The following HPSE2 variants were observed in gnomAD, a reference collection of about 807,000 sequenced individuals.
The protein encoded by HPSE2 is inactive heparanase-2.
Under a neutral mutation model 60.5 loss-of-function variants are expected in HPSE2, and 38 were observed. That is an observed-to-expected ratio of 0.63 (90% CI 0.48 to 0.82). The LOEUF is 0.82. Ranked by LOEUF, HPSE2 falls within the 40% of genes least tolerant of loss-of-function variation. The probability of loss-of-function intolerance (pLI) is 0.00; values close to 1 mark genes in which losing one functional copy is unlikely to be tolerated. For synonymous variants in HPSE2, 295 were observed against 293.2 expected (o/e 1.01, Z -0.06); for missense variants, 713 against 740.4 (o/e 0.96, Z 0.43).
intron 3 of HPSE2, among the ~76,000 whole-genome samples, chr10:99,039,350 T>C (rs1957682668): frequency 6.6e-6 from 1 of 152,116 alleles, no homozygotes; most frequent in South Asian, 2.1e-4. Context: ...TTATCTCAAC[T>C]GTCTTGAATA....
At chr10:99,073,401 C>CA (rs563779924) in intron 3 of HPSE2, among the ~76,000 whole-genome samples, 54 of 152,068 alleles carry the variant, frequency 3.6e-4, no homozygotes, top group Middle Eastern at 3.4e-3. Context: ...CACATGTTCT[C>CA]ACTTACAGGT....
intron 7 of HPSE2, among the ~76,000 whole-genome samples, chr10:98,630,681 A>G (rs1463517201): frequency 6.6e-6 from 1 of 151,784 alleles, no homozygotes; most frequent in Non-Finnish European, 1.5e-5. Context: ...CCTTGACCTT[A>G]TTATACTGAA....
chr10:99,097,995 C>A (rs573255351), intron 3 of HPSE2, among the ~76,000 whole-genome samples: 1 of 152,334 alleles, frequency 6.6e-6, no homozygotes, highest in African/African-American at 2.4e-5. Context: ...AGGTTCTATA[C>A]TTCCCGCTGA....
chr10:99,197,045 A>G (rs1848423156), intron 2 of HPSE2, among the ~76,000 whole-genome samples: 1 of 152,222 alleles, frequency 6.6e-6, no homozygotes, highest in Non-Finnish European at 1.5e-5. Context: ...CAGCCATAAA[A>G]AGGAATGAGA....
Position 98,937,925 on chromosome 10 carries a change from G to A in HPSE2, c.611-193869C>T, listed in dbSNP as rs373807597. Among the ~76,000 whole-genome samples, 6 of 143,708 alleles carry A rather than the reference G, an allele frequency of 4.2e-5. 1 individual carries two copies. In the East Asian group the frequency reaches 7.9e-4, roughly 19 times the overall value. The allele number at this position is 143,708 out of a possible 152,430, so 94.3% of individuals were successfully genotyped here. A position where few individuals can be genotyped will look rare whatever the true frequency, so the allele number is the denominator to read the frequency against. ...GAACGATCAGACAGCAGCATTCGCG[G>A]TTCATAAAAATCCACTGTTCTGCAG... On this transcript the variant is annotated intron_variant, in intron 3 of 11. Coordinates refer to ENST00000370552, the MANE Select transcript of HPSE2 (RefSeq NM_021828.5).
chr10:99,115,663 A>T (rs1844660025), intron 3 of HPSE2, among the ~76,000 whole-genome samples: 1 of 152,086 alleles, frequency 6.6e-6, no homozygotes, highest in Non-Finnish European at 1.5e-5. Flanking sequence ...CAGTTTTTGT[A>T]ATTATAACCT....
intron 11 of HPSE2, among the ~76,000 whole-genome samples, chr10:98,475,320 C>G (rs865973282): frequency 4.6e-5 from 7 of 152,038 alleles, no homozygotes; most frequent in Admixed American, 2.6e-4. Context: ...CGGGGTTTCA[C>G]CATGTTAGCC....
chr10:98,851,581 A>T (rs1203305827), intron 3 of HPSE2, among the ~76,000 whole-genome samples: 1 of 152,170 alleles, frequency 6.6e-6, no homozygotes, highest in Non-Finnish European at 1.5e-5. Context: ...CTGGCTTTTC[A>T]CCACTGTGTC....
chr10:99,072,926 T>C (rs1842840759), intron 3 of HPSE2, among the ~76,000 whole-genome samples: 1 of 43,388 alleles, frequency 2.3e-5, no homozygotes, highest in Non-Finnish European at 3.5e-5. Flanking sequence ...AGGCTCCGTC[T>C]CAAAAAAAAA....
At chr10:99,042,250 C>T (rs1957756726) in intron 3 of HPSE2, among the ~76,000 whole-genome samples, 1 of 152,144 alleles carries the variant, frequency 6.6e-6, no homozygotes, top group African/African-American at 2.4e-5. Flanking sequence ...AGAGGCCAGA[C>T]TGTGTTCCAT....
intron 3 of HPSE2, among the ~76,000 whole-genome samples, chr10:99,096,249 A>G (rs1843714351): frequency 6.6e-6 from 1 of 152,232 alleles, no homozygotes; most frequent in South Asian, 2.1e-4. Flanking sequence ...CTGAATAATT[A>G]TACAATAGCA....
intron 2 of HPSE2, among the ~76,000 whole-genome samples, chr10:99,155,936 G>C (rs1032129029): frequency 3.9e-4 from 59 of 151,792 alleles, no homozygotes; most frequent in Middle Eastern, 3.4e-3. Context: ...CGATCCCACA[G>C]AAATACAAAC....
rs186462179 is a variant in HPSE2, at chr10:98,839,329, C to T, written c.611-95273G>A. On this transcript the variant is annotated intron_variant, in intron 3 of 11. Coordinates refer to ENST00000370552, the MANE Select transcript of HPSE2 (RefSeq NM_021828.5). ...ACTCCTATCAGATTCAAACCCTTACCGAAGCCTCCCCAATACTCTGTTTTT... is the reference window on the plus strand; with the variant it reads ...ACTCCTATCAGATTCAAACCCTTACTGAAGCCTCCCCAATACTCTGTTTTT... Among the ~76,000 whole-genome samples, 227 of 152,170 alleles carry T rather than the reference C, an allele frequency of 1.5e-3. 2 individuals are homozygous for T. Among genetic ancestry groups the T allele is most frequent in the African/African-American group, 4.1e-3 (171 of 41,522 alleles).
chr10:98,864,765 T>C (rs528366763), intron 3 of HPSE2, among the ~76,000 whole-genome samples: 1 of 152,308 alleles, frequency 6.6e-6, no homozygotes, highest in African/African-American at 2.4e-5. Context: ...TGACATTCAT[T>C]GTCTGATTAA....
intron 3 of HPSE2, among the ~76,000 whole-genome samples, chr10:99,024,170 A>G (rs1186830077): frequency 6.6e-6 from 1 of 152,214 alleles, no homozygotes; most frequent in Non-Finnish European, 1.5e-5. Flanking sequence ...ACAACTAAGA[A>G]GAAATTCTGG....
intron 6 of HPSE2, among the ~76,000 whole-genome samples, chr10:98,681,205 C>CT (rs1303701334): frequency 6.6e-6 from 1 of 151,870 alleles, no homozygotes; most frequent in Non-Finnish European, 1.5e-5. Context: ...CTGATAAAAC[C>CT]TGTGGCTGAT....
intron 8 of HPSE2, among the ~76,000 whole-genome samples, chr10:98,619,796 T>C (rs895293133): frequency 6.6e-6 from 1 of 152,186 alleles, no homozygotes; most frequent in African/African-American, 2.4e-5. Flanking sequence ...ACTTCCTCCA[T>C]GAAGTCCTCC....
chr10:98,741,036 A>G (rs934992053), intron 4 of HPSE2, among the ~76,000 whole-genome samples: 4 of 152,302 alleles, frequency 2.6e-5, no homozygotes, highest in Admixed American at 2.6e-4. Context: ...AATAAAATGT[A>G]TTCTTTAGAC....
intron 3 of HPSE2, among the ~76,000 whole-genome samples, chr10:98,806,167 C>A (rs1951036836): frequency 6.6e-6 from 1 of 152,132 alleles, no homozygotes; most frequent in Non-Finnish European, 1.5e-5. Flanking sequence ...ACAACTGTTT[C>A]CCTTTTGATC....
Sources: allele counts gnomAD v4.1 joint callset (sites outside exome capture counted in the v4.1 genomes callset), GRCh38; gene constraint gnomAD v4.1.1; transcripts MANE v1.5; gene names NCBI Gene and HGNC (gene_info 2026-07-23, HGNC 2026-07-21).